Variants in CUEDC2 observed in about 807,000 individuals in gnomAD.
CUEDC2 encodes CUE domain-containing protein 2.
In CUEDC2, 10 loss-of-function variants were observed where a neutral mutation model predicts 36.0. The observed-to-expected ratio is 0.28, with a 90% CI of 0.17 to 0.47. The LOEUF is 0.47. Among genes scored for constraint, CUEDC2 ranks in the 20% least tolerant of loss-of-function variants. The pLI is 0.99. For missense variants in CUEDC2, 269 were observed against 368.1 expected (o/e 0.73, Z 2.20); for synonymous variants, 133 against 141.8 (o/e 0.94, Z 0.44).
Position 102,424,733 on chromosome 10 carries a change from G to A in CUEDC2, c.134C>T (p.Ser45Leu), listed in dbSNP as rs201349133. ...ATCGAAGTTCTCCTCTGATGGGCCC[G>A]AGGGGCCCAGGTCCTCCAGGACCCC... ...VLGVLEDLGP[S>L]GPSEENFDME... Residue 45 changes from serine to leucine, a missense_variant, in exon 3 of 9, where the codon TCG becomes TTG. By Grantham distance (145) the Ser-to-Leu change is moderately radical. Coordinates refer to ENST00000369937, the MANE Select transcript of CUEDC2 (RefSeq NM_024040.3). The surrounding 1 kb of genome is among the most constrained non-coding windows in gnomAD (Gnocchi z 4.2). 81 of 1,613,656 alleles carry A rather than the reference G, an allele frequency of 5.0e-5. 1 individual carries two copies. Among genetic ancestry groups the A allele is most frequent in the Admixed American group, 3.2e-4 (19 of 60,000 alleles).
chr10:102,423,309 G>A lies in CUEDC2; in HGVS notation c.*117C>T, dbSNP rs1437060774. 3 of 1,300,794 alleles carry A rather than the reference G, an allele frequency of 2.3e-6. No homozygotes were observed. Among genetic ancestry groups the A allele is most frequent in the Non-Finnish European group, 1.1e-6 (1 of 916,116 alleles). The allele number at this position is 1,300,794 out of a possible 1,614,324, so 80.6% of individuals were successfully genotyped here. A position where few individuals can be genotyped will look rare whatever the true frequency, so the allele number is the denominator to read the frequency against. The stretch of plus-strand genomic sequence containing the variant: ...GCTCCGAGAGTAGGTTAACACTATG[G>A]AGCAAAGGAGTAGAGAAGGGGGACA... On this transcript the variant is annotated 3_prime_UTR_variant, in exon 9 of 9. Coordinates refer to ENST00000369937, the MANE Select transcript of CUEDC2 (RefSeq NM_024040.3). This position sits in a 1 kb window ranked among gnomAD's most constrained non-coding sequence, Gnocchi z 5.6.
At chr10:102,426,624 C>T (rs748849187) in intron 1 of CUEDC2, among the ~76,000 whole-genome samples, 4 of 152,060 alleles carry the variant, frequency 2.6e-5, no homozygotes, top group Admixed American at 6.6e-5. Flanking sequence ...AAAATCTCCA[C>T]CAAAATTTCT....
At chr10:102,427,518 C>T (rs950851236) in intron 1 of CUEDC2, among the ~76,000 whole-genome samples, 2 of 152,314 alleles carry the variant, frequency 1.3e-5, no homozygotes, top group African/African-American at 2.4e-5. Context: ...GTCCAGGCAC[C>T]CGGCTGTTCC....
At position 102,424,015 on chromosome 10, in the gene CUEDC2, G is replaced by A. The variant is rs911122941; in HGVS notation, c.575C>T (p.Ala192Val). The A allele has an allele frequency of 6.2e-7, 1 of 1,613,962 alleles. No homozygotes were observed. The highest frequency in any genetic ancestry group is 1.7e-5 in the Admixed American group (1 of 60,016). ...LVEGKEEGPA[A>V]WEGPNQDLPR... ...AGATACCTGGTTGGGGCCCTCCCAGGCTGCAGGCCCCTCTTCCTTTCCCTC... is the reference window on the plus strand; with the variant it reads ...AGATACCTGGTTGGGGCCCTCCCAGACTGCAGGCCCCTCTTCCTTTCCCTC... The change falls in exon 6 of 9, where the codon GCC (alanine) becomes GTC (valine). Residue 192 changes from alanine (A) to valine (V), a missense_variant. Physicochemically the swap from Ala to Val is moderately conservative, Grantham distance 64 (BLOSUM62 0). Coordinates refer to ENST00000369937, the MANE Select transcript of CUEDC2 (RefSeq NM_024040.3). The surrounding 1 kb of genome is among the most constrained non-coding windows in gnomAD (Gnocchi z 4.2).
rs1382166592 is a variant in CUEDC2, at chr10:102,423,257, G to T, written c.*169C>A. On this transcript the variant is annotated 3_prime_UTR_variant, in exon 9 of 9. Coordinates refer to ENST00000369937, the MANE Select transcript of CUEDC2 (RefSeq NM_024040.3). The surrounding 1 kb of genome is among the most constrained non-coding windows in gnomAD (Gnocchi z 5.6). Reference sequence around the variant, plus strand: ...CAGAATGCACTCACACCTTCCTTGGGCCACCTTTACTGTGCCCATGGAGGC... The same window carrying T: ...CAGAATGCACTCACACCTTCCTTGGTCCACCTTTACTGTGCCCATGGAGGC... The T allele has an allele frequency of 2.2e-6, 2 of 895,506 alleles. No individual in the cohort carries two copies. The highest frequency in any genetic ancestry group is 2.5e-5 in the Admixed American group (1 of 39,484). The allele number at this position is 895,506 out of a possible 1,614,324, so 55.5% of individuals were successfully genotyped here.
At chr10:102,426,129 G>A (rs1410256043) in intron 1 of CUEDC2, among the ~76,000 whole-genome samples, 3 of 152,182 alleles carry the variant, frequency 2.0e-5, no homozygotes, top group Non-Finnish European at 4.4e-5. Flanking sequence ...TCCAAAGCAA[G>A]GTGGGGATGA....
Position 102,425,111 on chromosome 10 carries a change from C to G in CUEDC2, c.74+4G>C. ...CATGAGCCTTCCGGGGGACCCGTCT[C>G]TACCTGAGGTCGGCCTCCGGGAGGT... On this transcript the variant is annotated splice_donor_region_variant and intron_variant, in intron 2 of 8. Coordinates refer to ENST00000369937, the MANE Select transcript of CUEDC2 (RefSeq NM_024040.3). 1 of 1,613,290 alleles carries G rather than the reference C, an allele frequency of 6.2e-7. No homozygotes were observed. Among genetic ancestry groups the G allele is most frequent in the Non-Finnish European group, 8.5e-7 (1 of 1,179,420 alleles).
intron 1 of CUEDC2, among the ~76,000 whole-genome samples, chr10:102,430,646 T>TCCCTC (rs11440410): frequency 6.6e-6 from 1 of 151,716 alleles, no homozygotes; most frequent in Admixed American, 6.6e-5. Context: ...CCTCCCTCCC[T>TCCCTC]CCTCCTGTTT....
chr10:102,430,082 G>C (rs1232291622), intron 1 of CUEDC2, among the ~76,000 whole-genome samples: 1 of 150,204 alleles, frequency 6.7e-6, no homozygotes, highest in African/African-American at 2.4e-5. Context: ...TTACAGGCAT[G>C]AGCCACCTGT....
At chr10:102,425,290 A>G in intron 1 of CUEDC2, 92 bp from the exon 2 acceptor site, 2 of 876,400 alleles carry the variant, frequency 2.3e-6, no homozygotes, top group Non-Finnish European at 1.9e-6. Flanking sequence ...CTGGCCTGCT[A>G]TGGAACCATC....
chr10:102,432,018 G>A (rs1450902784), intron 1 of CUEDC2, among the ~76,000 whole-genome samples: 3 of 152,126 alleles, frequency 2.0e-5, no homozygotes, highest in Non-Finnish European at 4.4e-5. Flanking sequence ...AAGGGGTCTA[G>A]CATGGAAGGT....
chr10:102,424,929 C>T lies in CUEDC2; in HGVS notation c.75-137G>A. ...TATCTTTAAGGCCAGAGAGTATAAC[C>T]CCCTCCCTCAGAGCTATGGTTTCCC... On this transcript the variant is annotated intron_variant, in intron 2 of 8. Transcript: ENST00000369937. This position sits in a 1 kb window ranked among gnomAD's most constrained non-coding sequence, Gnocchi z 4.2. The T allele has an allele frequency of 9.6e-7, 1 of 1,043,078 alleles. No individual in the cohort carries two copies. The highest frequency in any genetic ancestry group is 1.4e-6 in the Non-Finnish European group (1 of 718,368). The allele number at this position is 1,043,078 out of a possible 1,614,324, so 64.6% of individuals were successfully genotyped here.
chr10:102,423,845 G>C lies in CUEDC2; in HGVS notation c.609C>G (p.Arg203=). 6.2e-7 allele frequency: 1 copy of C among 1,613,572 alleles called. No individual in the cohort carries two copies. The change falls in exon 7 of 9, where the codon CGC becomes CGG. Residue 203 remains arginine, a synonymous_variant. Transcript: ENST00000369937. This position sits in a 1 kb window ranked among gnomAD's most constrained non-coding sequence, Gnocchi z 5.6. ...GCTCATCCTTTTGGGGGCCTCTGAG[G>C]CGTCTGGGCAGGTCCTGCAGAGAGG... The part of the protein sequence containing the change: ...WEGPNQDLPR[R]LRGPQKDELK...
chr10:102,424,571 G>A lies in CUEDC2; in HGVS notation c.219-11C>T, dbSNP rs1415408771. 1.2e-6 allele frequency: 2 copies of A among 1,614,044 alleles called. No individual in the cohort carries two copies. Among genetic ancestry groups the A allele is most frequent in the Non-Finnish European group, 1.7e-6 (2 of 1,180,022 alleles). On this transcript the variant is annotated splice_polypyrimidine_tract_variant and intron_variant, in intron 3 of 8. Coordinates refer to ENST00000369937, the MANE Select transcript of CUEDC2 (RefSeq NM_024040.3). The surrounding 1 kb of genome is among the most constrained non-coding windows in gnomAD (Gnocchi z 4.2). ...TCCCCTATTGTGCCCCTGAAAAGAT[G>A]AGGGCAGTGAGAGGATGACTCTGCC...
chr10:102,430,423 C>G (rs1033788421), intron 1 of CUEDC2, among the ~76,000 whole-genome samples: 13 of 152,192 alleles, frequency 8.5e-5, no homozygotes, highest in African/African-American at 3.1e-4. Context: ...CCCGCCTAGG[C>G]CTCCCAAAGT....
At chr10:102,431,764 A>T (rs2061617290) in intron 1 of CUEDC2, among the ~76,000 whole-genome samples, 1 of 151,978 alleles carries the variant, frequency 6.6e-6, no homozygotes, top group Admixed American at 6.6e-5. Flanking sequence ...AGCCAACCCT[A>T]ACTGCCCCAC....
Position 102,424,344 on chromosome 10 carries a change from G to C in CUEDC2, c.331C>G (p.Pro111Ala). 6.2e-7 allele frequency: 1 copy of C among 1,614,136 alleles called. No homozygotes were observed. The highest frequency in any genetic ancestry group is 1.3e-5 in the African/African-American group (1 of 75,030). ...SGVQGQVPIS[P>A]EPLQRPEMLK... The stretch of plus-strand genomic sequence containing the variant: ...ATTTCGGGCCGCTGCAGGGGCTCTG[G>C]GGAGATGGGCACCTGACCTTGGACA... Residue 111 changes from proline to alanine, a missense_variant, in exon 5 of 9, where the codon CCA (proline) becomes GCA (alanine). Physicochemically the swap from Pro to Ala is conservative, Grantham distance 27 (BLOSUM62 -1). Coordinates refer to ENST00000369937, the MANE Select transcript of CUEDC2 (RefSeq NM_024040.3). The surrounding 1 kb of genome is among the most constrained non-coding windows in gnomAD (Gnocchi z 4.2).
intron 1 of CUEDC2, among the ~76,000 whole-genome samples, chr10:102,429,428 T>G (rs1398860013): frequency 6.6e-6 from 1 of 151,830 alleles, no homozygotes; most frequent in Non-Finnish European, 1.5e-5. Flanking sequence ...GTTCAGCATC[T>G]ATTCTAGGGG....
chr10:102,428,970 C>T (rs377346173), intron 1 of CUEDC2, among the ~76,000 whole-genome samples: 9 of 149,474 alleles, frequency 6.0e-5, no homozygotes, highest in African/African-American at 2.0e-4. Flanking sequence ...TGCAGTGAGC[C>T]GAGATTGCAC....
Sources: gnomAD v4.1 joint callset for allele counts (sites outside exome capture counted in the v4.1 genomes callset) on GRCh38, gnomAD v4.1.1 for gene constraint, Gnocchi (gnomAD v3.1) non-coding constraint, MANE v1.5 for transcripts, NCBI Gene and HGNC (gene_info 2026-07-23, HGNC 2026-07-21) for gene names.